SORBS2: variants seen among roughly 807,000 people sequenced by gnomAD.
SORBS2 encodes the protein sorbin and SH3 domain-containing protein 2.
A neutral mutation model predicts 97.7 loss-of-function variants in SORBS2; 46 were observed. That is an observed-to-expected ratio of 0.47 (90% CI 0.37 to 0.60). The LOEUF is 0.60. SORBS2 is among the 20% of genes least tolerant of loss of function. The probability of loss-of-function intolerance (pLI) is 0.00; values close to 1 mark genes in which losing one functional copy is unlikely to be tolerated. For synonymous variants in SORBS2, 476 were observed against 473.4 expected (o/e 1.01, Z -0.07); for missense variants, 1,316 against 1,282.3 (o/e 1.03, Z -0.40).
At chr4:185,879,176 C>CCCCCCCCCCCA (rs1491475757) in intron 1 of SORBS2, among the ~76,000 whole-genome samples, 1 of 85,188 alleles carries the variant, frequency 1.2e-5, no homozygotes. Context: ...CCCCCCCCCC[C>CCCCCCCCCCCA]ACCCCACGAC....
intron 2 of SORBS2, among the ~76,000 whole-genome samples, chr4:185,708,631 G>A (rs558278822): frequency 6.6e-6 from 1 of 152,238 alleles, no homozygotes; most frequent in South Asian, 2.1e-4. Context: ...GTTTTTCCTG[G>A]AATTATCTTA....
intron 4 of SORBS2, among the ~76,000 whole-genome samples, chr4:185,666,396 C>T (rs552740195): frequency 5.4e-4 from 82 of 152,238 alleles, no homozygotes; most frequent in African/African-American, 2.0e-3. Context: ...TGAATCCAGT[C>T]GGTGTGTTTT....
intron 2 of SORBS2, 47 bp downstream of exon 4, chr4:185,690,515 T>G: frequency 7.3e-7 from 1 of 1,364,934 alleles, no homozygotes; most frequent in Non-Finnish European, 1.0e-6. Flanking sequence ...CCAACATGAT[T>G]TTTAGAGAGC....
chr4:185,938,278 G>A (rs897848751), intron 1 of SORBS2, among the ~76,000 whole-genome samples: 1 of 151,852 alleles, frequency 6.6e-6, no homozygotes, highest in Admixed American at 6.6e-5. Flanking sequence ...GATTACAGGC[G>A]TGAGCCACCA....
chr4:185,776,190 G>A lies in SORBS2; in HGVS notation c.-337-824C>T, dbSNP rs368168583. Reference sequence around the variant, plus strand: ...CCAAGCACTCTGGGAATACAGTGGTGGGCAGAATGAAGTGTCCTTGCCTTC... The same window carrying A: ...CCAAGCACTCTGGGAATACAGTGGTAGGCAGAATGAAGTGTCCTTGCCTTC... On this transcript the variant is annotated intron_variant, in intron 1 of 20. Transcript: ENST00000284776. 1.9e-3 allele frequency among the ~76,000 whole-genome samples: 287 copies of A among 152,302 alleles called. 4 individuals carry two copies. Among genetic ancestry groups the A allele is most frequent in the South Asian group, 0.016 (75 of 4,812 alleles).
At chr4:185,591,600 C>G (rs539543618) in intron 13 of SORBS2, among the ~76,000 whole-genome samples, 18 of 152,152 alleles carry the variant, frequency 1.2e-4, no homozygotes, top group Non-Finnish European at 2.4e-4. Context: ...TTCACGGTCC[C>G]TTTTCCAGTT....
intron 1 of SORBS2, chr4:185,918,358 A>G (rs2099259333): frequency 6.6e-6 from 1 of 152,214 alleles, no homozygotes; most frequent in Non-Finnish European, 1.5e-5. Flanking sequence ...GTATGAGAAA[A>G]TACTTTGGTT....
intron 1 of SORBS2, among the ~76,000 whole-genome samples, chr4:185,838,903 G>T (rs1035530752): frequency 6.6e-6 from 1 of 152,094 alleles, no homozygotes; most frequent in Non-Finnish European, 1.5e-5. Flanking sequence ...TCACAAAGAC[G>T]TGTGCTCAGC....
At chr4:185,809,388 G>A (rs549585620) in intron 1 of SORBS2, among the ~76,000 whole-genome samples, 206 of 128,416 alleles carry the variant, frequency 1.6e-3, no homozygotes, top group African/African-American at 5.4e-3. Context: ...CTTGAAGGGC[G>A]TATGAAAGCA....
rs972835782 is a variant in SORBS2 at position 185,818,193 on chromosome 4, T to A, written c.-337-42827A>T. ...AGAATTCAGTGCCTATGTGTTTGTT[T>A]GTTTGTTTGTTTTTGAGATGGAGTC... On this transcript the variant is annotated intron_variant, in intron 1 of 20. Transcript: ENST00000284776. 2.0e-5 allele frequency among the ~76,000 whole-genome samples: 3 copies of A among 152,138 alleles called. 1 individual carries two copies. The highest frequency in any genetic ancestry group is 4.4e-5 in the Non-Finnish European group (3 of 68,032).
chr4:185,655,747 T>A (rs1269449825), intron 1 of SORBS2, among the ~76,000 whole-genome samples: 1 of 152,212 alleles, frequency 6.6e-6, no homozygotes, highest in African/African-American at 2.4e-5. Context: ...ATCTCTAGCA[T>A]CTCAGTTTTT....
At chr4:185,772,706 T>A (rs1335065487) in intron 2 of SORBS2, 1 of 152,190 alleles carries the variant, frequency 6.6e-6, no homozygotes, top group South Asian at 2.1e-4. Flanking sequence ...CTTTCAAACA[T>A]CATGAGATAA....
intron 2 of SORBS2, among the ~76,000 whole-genome samples, chr4:185,754,879 C>G (rs1478077222): frequency 6.6e-6 from 1 of 152,216 alleles, no homozygotes; most frequent in Non-Finnish European, 1.5e-5. Context: ...GGCAATACAT[C>G]ACTTCTACGA....
intron 9 of SORBS2, among the ~76,000 whole-genome samples, chr4:185,617,205 T>G (rs1190247064): frequency 6.6e-6 from 1 of 152,242 alleles, no homozygotes; most frequent in Non-Finnish European, 1.5e-5. Context: ...TCCGTAACAT[T>G]ATTTTATAAA....
At chr4:185,616,085 G>A (rs1271231742) in intron 9 of SORBS2, among the ~76,000 whole-genome samples, 1 of 152,150 alleles carries the variant, frequency 6.6e-6, no homozygotes, top group African/African-American at 2.4e-5. Context: ...TCTCCCAAGA[G>A]CCTCATTTTG....
intron 1 of SORBS2, among the ~76,000 whole-genome samples, chr4:185,863,182 T>G (rs1472139376): frequency 6.6e-6 from 1 of 152,202 alleles, no homozygotes; most frequent in Non-Finnish European, 1.5e-5. Flanking sequence ...TTAAACATTT[T>G]TAAAGAGCAG....
At chr4:185,850,740 T>C (rs2099217393) in intron 1 of SORBS2, among the ~76,000 whole-genome samples, 1 of 152,182 alleles carries the variant, frequency 6.6e-6, no homozygotes, top group African/African-American at 2.4e-5. Flanking sequence ...GACTGGGCTA[T>C]GGGATGCCCA....
intron 2 of SORBS2, among the ~76,000 whole-genome samples, chr4:185,761,753 A>T (rs1250274616): frequency 6.6e-6 from 1 of 152,176 alleles, no homozygotes; most frequent in Non-Finnish European, 1.5e-5. Flanking sequence ...TCTGAGTTCC[A>T]TGCCCAGCAG....
intron 4 of SORBS2, chr4:185,666,335 G>C (rs1238876156): frequency 2.0e-5 from 8 of 400,806 alleles, no homozygotes; most frequent in Non-Finnish European, 9.4e-6. Flanking sequence ...CATTCAGATG[G>C]GTTAGGTGCC....
Sources: gnomAD v4.1 joint callset for allele counts (sites outside exome capture counted in the v4.1 genomes callset) on GRCh38, gnomAD v4.1.1 for gene constraint, MANE v1.5 for transcripts, NCBI Gene and HGNC (gene_info 2026-07-23, HGNC 2026-07-21) for gene names.